The following PDE1C variants were observed in gnomAD, a reference collection of about 807,000 sequenced individuals.
PDE1C encodes the protein dual specificity calcium/calmodulin-dependent 3',5'-cyclic nucleotide phosphodiesterase 1C.
A neutral mutation model predicts 93.1 loss-of-function variants in PDE1C; 62 were observed. The ratio of observed to expected loss-of-function variants is 0.67; its 90% CI spans 0.54 to 0.82. The LOEUF is 0.82. Among genes scored for constraint, PDE1C ranks in the 40% least tolerant of loss-of-function variants. The probability of loss-of-function intolerance (pLI) is 0.00; values close to 1 mark genes in which losing one functional copy is unlikely to be tolerated. For synonymous variants in PDE1C, 325 were observed against 310.1 expected (o/e 1.05, Z -0.50); for missense variants, 742 against 884.6 (o/e 0.84, Z 2.04).
chr7:32,169,765 T>A (rs1249719553), intron 3 of PDE1C: 2 of 1,607,888 alleles, frequency 1.2e-6, no homozygotes, highest in Admixed American at 1.7e-5. Context: ...AGGAACACAT[T>A]GAGTTGCAAT....
At chr7:32,045,767 G>T (rs1265533723) in intron 2 of PDE1C, among the ~76,000 whole-genome samples, 1 of 152,206 alleles carries the variant, frequency 6.6e-6, no homozygotes, top group Non-Finnish European at 1.5e-5. Context: ...AACGGGCAGA[G>T]TTCAGCAGAA....
chr7:32,146,728 G>C (rs984102875), intron 3 of PDE1C, among the ~76,000 whole-genome samples: 1 of 152,110 alleles, frequency 6.6e-6, no homozygotes, highest in Non-Finnish European at 1.5e-5. Context: ...TATATTAACA[G>C]ATACTGATCA....
chr7:31,750,782 A>G (rs1794107282), downstream of PDE1C, among the ~76,000 whole-genome samples: 1 of 152,158 alleles, frequency 6.6e-6, no homozygotes, highest in African/African-American at 2.4e-5. Flanking sequence ...CCCAGGCTGG[A>G]ATGCAGCGGC....
intron 1 of PDE1C, among the ~76,000 whole-genome samples, chr7:32,210,220 A>G (rs888380452): frequency 6.6e-6 from 1 of 152,224 alleles, no homozygotes; most frequent in Non-Finnish European, 1.5e-5. Context: ...GTATTGGGTA[A>G]AAGAGATTGG....
chr7:32,318,186 G>T (rs1364378742), intron 1 of PDE1C, among the ~76,000 whole-genome samples: 1 of 152,124 alleles, frequency 6.6e-6, no homozygotes, highest in Non-Finnish European at 1.5e-5. Context: ...GGGACATTCG[G>T]CAGGGAGATA....
At chr7:31,652,759 G>A in the PDE1C span, 3 of 1,613,902 alleles carry the variant, frequency 1.9e-6, no homozygotes, top group South Asian at 1.1e-5. Flanking sequence ...TCATCAGCTT[G>A]GGCAAAGTTA....
chr7:31,651,668 A>T, the PDE1C span, among the ~76,000 whole-genome samples: 1 of 152,000 alleles, frequency 6.6e-6, no homozygotes, highest in Non-Finnish European at 1.5e-5. Context: ...GTGTTTTAAA[A>T]CTGAATAGTG....
chr7:32,310,016 CAG>C (rs1421912772), intron 1 of PDE1C, among the ~76,000 whole-genome samples: 1 of 152,084 alleles, frequency 6.6e-6, no homozygotes, highest in Non-Finnish European at 1.5e-5. Flanking sequence ...ATGTCATGTG[CAG>C]AGACACACAT....
chr7:32,291,713 A>C (rs1390052440), intron 1 of PDE1C, among the ~76,000 whole-genome samples: 1 of 152,224 alleles, frequency 6.6e-6, no homozygotes, highest in African/African-American at 2.4e-5. Flanking sequence ...TCTGAACTCT[A>C]CAAAGCATCC....
chr7:32,281,486 G>A (rs1001361460), intron 1 of PDE1C, among the ~76,000 whole-genome samples: 1 of 152,170 alleles, frequency 6.6e-6, no homozygotes, highest in Non-Finnish European at 1.5e-5. Flanking sequence ...TTGAGAGGCT[G>A]AGGCAGGAGG....
intron 2 of PDE1C, among the ~76,000 whole-genome samples, chr7:31,932,182 G>A (rs528200659): frequency 9.9e-5 from 15 of 152,002 alleles, no homozygotes; most frequent in Non-Finnish European, 1.2e-4. Flanking sequence ...CTAAAACAAC[G>A]AAAGCAATGG....
the PDE1C span, among the ~76,000 whole-genome samples, chr7:31,623,533 G>A: frequency 6.0e-5 from 9 of 149,920 alleles, no homozygotes; most frequent in African/African-American, 2.3e-4. Flanking sequence ...ATGCAGAAAA[G>A]GCCTTTGACA....
chr7:31,896,216 T>A (rs528113011), intron 2 of PDE1C, among the ~76,000 whole-genome samples: 47 of 152,196 alleles, frequency 3.1e-4, no homozygotes, highest in Middle Eastern at 6.8e-3. Context: ...GCACAACTGT[T>A]GTAGTTTGGA....
At chr7:32,422,718 G>A (rs1444353709) in intron 1 of PDE1C, among the ~76,000 whole-genome samples, 1 of 152,010 alleles carries the variant, frequency 6.6e-6, no homozygotes, top group Non-Finnish European at 1.5e-5. Context: ...CAAAAGTTTT[G>A]TTTAACTTTC....
At chr7:31,673,703 T>A in the PDE1C span, among the ~76,000 whole-genome samples, 1 of 102,454 alleles carries the variant, frequency 9.8e-6, no homozygotes, top group Non-Finnish European at 1.9e-5. Flanking sequence ...TGGTATAAGG[T>A]AGAAACTAGT....
At chr7:32,297,375 C>T (rs554168710) in intron 1 of PDE1C, among the ~76,000 whole-genome samples, 7 of 152,090 alleles carry the variant, frequency 4.6e-5, no homozygotes, top group African/African-American at 1.4e-4. Context: ...AGATTAAGAC[C>T]ACAGTACTTT....
chr7:32,417,278 CTTTT>C (rs111750487), intron 1 of PDE1C, among the ~76,000 whole-genome samples: 2 of 142,110 alleles, frequency 1.4e-5, no homozygotes, highest in Admixed American at 7.1e-5. Context: ...AAAGTGATGA[CTTTT>C]TTTTTTTTTT....
chr7:31,995,283 C>T (rs1385491437), intron 2 of PDE1C, among the ~76,000 whole-genome samples: 1 of 152,132 alleles, frequency 6.6e-6, no homozygotes, highest in African/African-American at 2.4e-5. Flanking sequence ...ACTGCAGCCC[C>T]TCTTGGTCAG....
intron 3 of PDE1C, among the ~76,000 whole-genome samples, chr7:32,121,401 G>A (rs1799291792): frequency 6.6e-6 from 1 of 151,968 alleles, no homozygotes; most frequent in Non-Finnish European, 1.5e-5. Flanking sequence ...TACTCCATGA[G>A]AAGATCAACC....
Sources: allele counts gnomAD v4.1 joint callset (sites outside exome capture counted in the v4.1 genomes callset), GRCh38; gene constraint gnomAD v4.1.1; transcripts MANE v1.5; gene names NCBI Gene and HGNC (gene_info 2026-07-23, HGNC 2026-07-21).